ANO4: variants seen among roughly 807,000 people sequenced by gnomAD.
The protein encoded by ANO4 is anoctamin-4.
ANO4 carries 69 observed loss-of-function variants against 141.9 expected under a neutral mutation model. The observed-to-expected ratio is 0.49, with a 90% CI of 0.40 to 0.59. The LOEUF (loss-of-function observed/expected upper bound fraction) is 0.59, where lower values mean the gene tolerates loss of function less well. Among genes scored for constraint, ANO4 ranks in the 20% least tolerant of loss-of-function variants. The pLI, the probability that ANO4 is intolerant of heterozygous loss-of-function variation, is 0.00. For synonymous variants in ANO4, 350 were observed against 394.3 expected (o/e 0.89, Z 1.33); for missense variants, 894 against 1,162.2 (o/e 0.77, Z 3.36).
At chr12:101,067,163 C>T in intron 14 of ANO4, 1 of 283,914 alleles carries the variant, frequency 3.5e-6, no homozygotes, top group Non-Finnish European at 6.7e-6. Flanking sequence ...CATCTACCTA[C>T]TAGAGTATTT....
chr12:101,122,887 A>T (rs2051151833), intron 26 of ANO4, among the ~76,000 whole-genome samples: 2 of 152,224 alleles, frequency 1.3e-5, no homozygotes, highest in Admixed American at 1.3e-4. Context: ...CATCCAAGTA[A>T]GTATTTATTA....
In ANO4 at chr12:101,067,014, A is replaced by G. The variant is rs112093790; in HGVS notation, c.1313-12179A>G. 5,261 of 580,406 alleles carry G rather than the reference A, an allele frequency of 9.1e-3. 220 individuals are homozygous for G. The African/African-American group carries it at 0.092, about 10-fold the overall frequency. 36.0% of individuals were successfully genotyped at this position (580,406 alleles called of 1,614,324 possible). A position where few individuals can be genotyped will look rare whatever the true frequency, so the allele number is the denominator to read the frequency against. Reference sequence around the variant, plus strand: ...AAGTATAACAAAAAAAAAAAAAAAAAAAAGAAAGAACAGACCATGCTGGGC... The same window carrying G: ...AAGTATAACAAAAAAAAAAAAAAAAGAAAGAAAGAACAGACCATGCTGGGC... On this transcript the variant is annotated intron_variant, in intron 14 of 27. Transcript: ENST00000392977.
At chr12:101,118,097 ACTTT>A (rs1442231227) in intron 25 of ANO4, among the ~76,000 whole-genome samples, 1 of 152,154 alleles carries the variant, frequency 6.6e-6, no homozygotes, top group Non-Finnish European at 1.5e-5. Context: ...AACAATTGAT[ACTTT>A]CTTCAGTAGA....
intron 1 of ANO4, among the ~76,000 whole-genome samples, chr12:100,812,656 C>A (rs1315719700): frequency 2.0e-5 from 3 of 152,158 alleles, no homozygotes; most frequent in Non-Finnish European, 4.4e-5. Flanking sequence ...AGCTTTCAAT[C>A]AGCCAGAGGG....
chr12:100,967,342 A>G (rs1478235227), intron 5 of ANO4, among the ~76,000 whole-genome samples: 1 of 152,140 alleles, frequency 6.6e-6, no homozygotes, highest in East Asian at 1.9e-4. Flanking sequence ...CTTAATAATA[A>G]GGAAAGACCT....
chr12:100,827,954 C>T (rs146563694), intron 1 of ANO4, among the ~76,000 whole-genome samples: 57 of 152,030 alleles, frequency 3.7e-4, no homozygotes, highest in African/African-American at 1.1e-3. Context: ...TGTGGGGCTA[C>T]GACGGGTGTC....
chr12:101,082,135 G>T (rs1427008939), intron 15 of ANO4, among the ~76,000 whole-genome samples: 2 of 152,118 alleles, frequency 1.3e-5, no homozygotes, highest in Non-Finnish European at 2.9e-5. Context: ...GTTGGACCTG[G>T]TGGGAGGTAA....
intron 3 of ANO4, among the ~76,000 whole-genome samples, chr12:100,923,822 C>T (rs1350846612): frequency 6.6e-6 from 1 of 152,200 alleles, no homozygotes; most frequent in South Asian, 2.1e-4. Flanking sequence ...TTTTAATGAT[C>T]GCCATTCTAA....
chr12:101,075,036 GGT>G (rs1257215982), intron 14 of ANO4, among the ~76,000 whole-genome samples: 10 of 152,232 alleles, frequency 6.6e-5, no homozygotes, highest in Admixed American at 1.3e-4. Flanking sequence ...AGTGCTGAAT[GGT>G]GTGATTAGCG....
chr12:101,097,045 G>GA (rs1295595940), intron 19 of ANO4, among the ~76,000 whole-genome samples: 4 of 152,104 alleles, frequency 2.6e-5, no homozygotes, highest in African/African-American at 9.7e-5. Context: ...ATCCTGACAG[G>GA]AAAGGGGGCA....
chr12:100,930,441 C>A (rs748959699), intron 3 of ANO4, among the ~76,000 whole-genome samples: 1 of 152,098 alleles, frequency 6.6e-6, no homozygotes, highest in Non-Finnish European at 1.5e-5. Context: ...AAGAGACTGT[C>A]CTTTCTCCAA....
Position 100,723,010 on chromosome 12 carries a change from C to T in ANO4, c.22+5463C>T, listed in dbSNP as rs555030273. ...CTTGTTTTTTCCCTACACCACCTGA[C>T]ATGCTTGTTATTATGCAAGCAAGAC... On this transcript the variant is annotated intron_variant, in intron 1 of 29. Transcript: ENST00000644049. 5.3e-5 allele frequency among the ~76,000 whole-genome samples: 8 copies of T among 151,984 alleles called. No homozygotes were observed. The South Asian group carries it at 1.7e-3, about 32-fold the overall frequency.
chr12:100,949,048 G>C (rs1276030349), intron 5 of ANO4, among the ~76,000 whole-genome samples: 1 of 152,116 alleles, frequency 6.6e-6, no homozygotes, highest in African/African-American at 2.4e-5. Context: ...TCCAGCTGAC[G>C]TCCAGCAACA....
chr12:100,791,029 T>A (rs1239371658), upstream of ANO4, among the ~76,000 whole-genome samples: 1 of 152,216 alleles, frequency 6.6e-6, no homozygotes, highest in African/African-American at 2.4e-5. Context: ...TTCTAGAATA[T>A]TCTTTCCCTC....
chr12:101,043,486 G>GA, intron 12 of ANO4, 53 bp from the exon 13 acceptor site: 4 of 1,392,248 alleles, frequency 2.9e-6, no homozygotes, highest in Non-Finnish European at 3.1e-6. Context: ...GGTGAAGTTA[G>GA]AAAAAAATGT....
intron 8 of ANO4, among the ~76,000 whole-genome samples, chr12:101,012,564 G>A (rs1027756522): frequency 6.6e-5 from 10 of 152,226 alleles, no homozygotes; most frequent in Non-Finnish European, 1.5e-5. Flanking sequence ...CAAATTCAAT[G>A]TTGCTTGTTT....
At chr12:101,097,305 A>G (rs578042353) in intron 19 of ANO4, among the ~76,000 whole-genome samples, 1 of 152,168 alleles carries the variant, frequency 6.6e-6, no homozygotes, top group Non-Finnish European at 1.5e-5. Flanking sequence ...TTTTAACAGC[A>G]TGACTATTAC....
At position 101,057,579 on chromosome 12, in the gene ANO4, CATT is replaced by C. The variant is rs750708642; in HGVS notation, c.1312+9179_1312+9181del. On this transcript the variant is annotated intron_variant, in intron 14 of 27. Coordinates refer to ENST00000392977, the MANE Select transcript of ANO4 (RefSeq NM_001286615.2). ...TTCTAACTGGCATGAGATGGTATCT[CATT>C]GTGGTTTTGATTTGCATTTCTCTAA... Among the ~76,000 whole-genome samples the C allele has an allele frequency of 7.1e-4, 108 of 152,324 alleles. 2 individuals are homozygous for C. The highest frequency in any genetic ancestry group is 6.8e-3 in the Middle Eastern group (2 of 294).
chr12:100,766,233 G>T (rs2033074974), intron 3 of ANO4, among the ~76,000 whole-genome samples: 1 of 152,054 alleles, frequency 6.6e-6, no homozygotes. Context: ...GTATTCTGTT[G>T]TCTGTGCTCT....
Sources: gnomAD v4.1 joint callset for allele counts (sites outside exome capture counted in the v4.1 genomes callset) on GRCh38, gnomAD v4.1.1 for gene constraint, MANE v1.5 for transcripts, NCBI Gene and HGNC (gene_info 2026-07-23, HGNC 2026-07-21) for gene names.